Variants in CPNE5 observed in about 807,000 individuals in gnomAD.
CPNE5 encodes the protein copine-5.
CPNE5 carries 42 observed loss-of-function variants against 81.1 expected under a neutral mutation model. The observed-to-expected ratio is 0.52, with a 90% CI of 0.40 to 0.67. The LOEUF is 0.67. Ranked by LOEUF, CPNE5 falls within the 30% of genes least tolerant of loss-of-function variation. The pLI is 0.00. For missense variants in CPNE5, 612 were observed against 815.5 expected (o/e 0.75, Z 3.04); for synonymous variants, 313 against 321.5 (o/e 0.97, Z 0.28).
At position 36,762,905 on chromosome 6, in the gene CPNE5, T is replaced by C. The variant is rs1008270839; in HGVS notation, c.855+12A>G. The stretch of plus-strand genomic sequence containing the variant: ...AGTAGTGCAAACCCTGGATTTCGGG[T>C]GCCCACCTCACCTCATAGATGTTGA... On this transcript the variant is annotated intron_variant, in intron 12 of 20. Transcript: ENST00000244751. 10 of 1,613,024 alleles carry C rather than the reference T, an allele frequency of 6.2e-6. No individual in the cohort carries two copies. The highest frequency in any genetic ancestry group is 1.3e-5 in the African/African-American group (1 of 75,016).
chr6:36,826,000 G>T (rs1772468320), intron 1 of CPNE5, among the ~76,000 whole-genome samples: 1 of 152,162 alleles, frequency 6.6e-6, no homozygotes, highest in Non-Finnish European at 1.5e-5. Flanking sequence ...TACAAATCAG[G>T]ACTGTGAGAC....
intron 8 of CPNE5, among the ~76,000 whole-genome samples, chr6:36,789,164 A>C (rs113838628): frequency 1.9e-3 from 295 of 152,346 alleles, no homozygotes; most frequent in African/African-American, 6.7e-3. Flanking sequence ...AAGATGCCCC[A>C]GAAGAAAAGG....
intron 8 of CPNE5, among the ~76,000 whole-genome samples, chr6:36,780,593 G>C (rs1215776745): frequency 6.6e-6 from 1 of 152,186 alleles, no homozygotes; most frequent in African/African-American, 2.4e-5. Context: ...ACAGCGCTGT[G>C]TGCGTGTGAG....
chr6:36,778,155 GCC>G (rs1290106649), intron 9 of CPNE5, among the ~76,000 whole-genome samples: 1 of 152,200 alleles, frequency 6.6e-6, no homozygotes, highest in Non-Finnish European at 1.5e-5. Context: ...GTCTTCACTT[GCC>G]CAGGGTCACA....
chr6:36,812,656 G>A lies in CPNE5; in HGVS notation c.183+9458C>T, dbSNP rs1771202613. 2.0e-5 allele frequency among the ~76,000 whole-genome samples: 3 copies of A among 152,232 alleles called. 1 individual carries two copies. Among genetic ancestry groups the A allele is most frequent in the Admixed American group, 2.0e-4 (3 of 15,276 alleles). On this transcript the variant is annotated intron_variant, in intron 3 of 20. Transcript: ENST00000244751. ...CCTGACCCTAAGACTGTGAGTAGGT[G>A]GCCATAGACCCATCTAGTCCCTAAA...
chr6:36,769,539 G>GCTTA (rs2150434396), intron 10 of CPNE5, among the ~76,000 whole-genome samples: 2 of 152,360 alleles, frequency 1.3e-5, no homozygotes, highest in South Asian at 4.1e-4. Flanking sequence ...TTTCCCTGCG[G>GCTTA]CTTACAAGTC....
intron 3 of CPNE5, among the ~76,000 whole-genome samples, chr6:36,802,778 G>A (rs1000859959): frequency 7.9e-5 from 12 of 152,062 alleles, no homozygotes; most frequent in African/African-American, 2.9e-4. Context: ...GGTTGGGTGC[G>A]GTGGCTAACA....
At chr6:36,792,003 C>T (rs370554272) in intron 8 of CPNE5, 30 bp downstream of exon 8, 31 of 1,602,914 alleles carry the variant, frequency 1.9e-5, no homozygotes, top group African/African-American at 6.7e-5. Context: ...ACCCCAACCA[C>T]GTCCTGTGCT....
intron 14 of CPNE5, 120 bp from the exon 15 acceptor site, chr6:36,748,387 T>A (rs1322232211): frequency 1.2e-6 from 1 of 837,374 alleles, no homozygotes; most frequent in East Asian, 2.5e-5. Context: ...GTGGCCTTGG[T>A]GAAGTCATTC....
At chr6:36,794,450 G>A in intron 7 of CPNE5, 140 bp downstream of exon 7, 3 of 743,648 alleles carry the variant, frequency 4.0e-6, no homozygotes, top group Non-Finnish European at 2.2e-6. Context: ...GCCTAAGGAG[G>A]AACCCAGGAC....
intron 1 of CPNE5, among the ~76,000 whole-genome samples, chr6:36,833,008 C>T (rs1773090843): frequency 6.6e-6 from 1 of 152,194 alleles, no homozygotes; most frequent in Non-Finnish European, 1.5e-5. Flanking sequence ...CTGCTCAGAA[C>T]CACAGGCAGC....
chr6:36,795,576 G>A (rs568380693), intron 6 of CPNE5, among the ~76,000 whole-genome samples: 1 of 152,300 alleles, frequency 6.6e-6, no homozygotes, highest in African/African-American at 2.4e-5. Context: ...GAGGTGACTA[G>A]GACACAGAGG....
chr6:36,771,615 A>C (rs1187524683), intron 10 of CPNE5, among the ~76,000 whole-genome samples: 1 of 152,162 alleles, frequency 6.6e-6, no homozygotes. Flanking sequence ...ATAGGCCCCC[A>C]CAGCACCCAA....
chr6:36,778,718 C>A (rs1429792506), intron 9 of CPNE5, 136 bp downstream of exon 9: 2 of 664,728 alleles, frequency 3.0e-6, no homozygotes, highest in South Asian at 1.9e-5. Flanking sequence ...GGACTTCCAC[C>A]CAGAGCCCTT....
At chr6:36,836,434 T>A (rs975042310) in intron 1 of CPNE5, among the ~76,000 whole-genome samples, 2 of 151,970 alleles carry the variant, frequency 1.3e-5, no homozygotes, top group Non-Finnish European at 2.9e-5. Context: ...GAAACAAGTG[T>A]TCCTGGGAGC....
chr6:36,752,011 G>C (rs924230515), intron 14 of CPNE5, among the ~76,000 whole-genome samples: 6 of 151,958 alleles, frequency 3.9e-5, no homozygotes, highest in African/African-American at 1.5e-4. Context: ...TGAGTGACTG[G>C]AGGCAGGGTG....
At chr6:36,765,411 A>G in intron 10 of CPNE5, 35 bp from the exon 11 acceptor site, 1 of 1,613,448 alleles carries the variant, frequency 6.2e-7, no homozygotes, top group South Asian at 1.1e-5. Context: ...GATGGGCCCA[A>G]CCCCACACCC....
In CPNE5 at chr6:36,746,126, GCT is replaced by G; in HGVS notation, c.1200+268_1200+269del. ...GGCCCTGAGGGATGGGTCAGCCACAGCTCGCCTCCACCTGCACCTGCGTCTTG... is the reference window on the plus strand; with the variant it reads ...GGCCCTGAGGGATGGGTCAGCCACAGCGCCTCCACCTGCACCTGCGTCTTG... On this transcript the variant is annotated intron_variant, in intron 16 of 20. Transcript: ENST00000244751. This position sits in a 1 kb window ranked among gnomAD's most constrained non-coding sequence, Gnocchi z 4.5. 1 of 955,448 alleles carries G rather than the reference GCT, an allele frequency of 1.0e-6. No individual in the cohort carries two copies. Among genetic ancestry groups the G allele is most frequent in the East Asian group, 1.2e-4 (1 of 8,614 alleles). 59.2% of individuals were successfully genotyped at this position (955,448 alleles called of 1,614,324 possible).
At chr6:36,777,781 C>A (rs1275042401) in intron 9 of CPNE5, among the ~76,000 whole-genome samples, 3 of 133,212 alleles carry the variant, frequency 2.3e-5, no homozygotes, top group Non-Finnish European at 4.8e-5. Flanking sequence ...CACACACACA[C>A]ACACACACAC....
Sources: gnomAD v4.1 joint callset for allele counts (sites outside exome capture counted in the v4.1 genomes callset) on GRCh38, gnomAD v4.1.1 for gene constraint, Gnocchi (gnomAD v3.1) non-coding constraint, MANE v1.5 for transcripts, NCBI Gene and HGNC (gene_info 2026-07-23, HGNC 2026-07-21) for gene names.